Variants in WRN observed in about 807,000 individuals in gnomAD.
WRN encodes the protein bifunctional 3'-5' exonuclease/ATP-dependent helicase WRN.
In WRN, 149 loss-of-function variants were observed where a neutral mutation model predicts 180.7. The ratio of observed to expected loss-of-function variants is 0.82; its 90% confidence interval spans 0.72 to 0.94. The LOEUF is 0.94. Among genes scored for constraint, WRN ranks in the 40% least tolerant of loss-of-function variants. The pLI is 0.00. For synonymous variants in WRN, 548 were observed against 568.9 expected (o/e 0.96, Z 0.52); for missense variants, 1,661 against 1,700.1 (o/e 0.98, Z 0.40).
chr8:31,081,101 T>C lies in WRN; in HGVS notation c.1074T>C (p.Asp358=). Reference sequence around the variant, plus strand: ...CACTTGATCATTTAGCTAAACATGATGGAGAAGATGTACTTGGAAATAAAG... The same window carrying C: ...CACTTGATCATTTAGCTAAACATGACGGAGAAGATGTACTTGGAAATAAAG... The part of the protein sequence containing the change: ...DPTLDHLAKH[D]GEDVLGNKVE... The change falls in exon 9 of 35, where the codon GAT becomes GAC. Residue 358 remains aspartate, a synonymous_variant. Transcript: ENST00000298139. 6.2e-7 allele frequency: 1 copy of C among 1,614,020 alleles called. No individual in the cohort carries two copies. The highest frequency in any genetic ancestry group is 8.5e-7 in the Non-Finnish European group (1 of 1,179,970).
At chr8:31,049,316 GAGGCCAGGAGTTCA>G (rs912280795) in intron 1 of WRN, among the ~76,000 whole-genome samples, 1 of 149,860 alleles carries the variant, frequency 6.7e-6, no homozygotes, top group African/African-American at 2.4e-5. Flanking sequence ...AGGATTGCTT[GAGGCCAGGAGTTCA>G]AGACCAGCCT....
In WRN at chr8:31,117,016, C is replaced by T. The variant is rs533943496; in HGVS notation, c.2448+488C>T. On this transcript the variant is annotated intron_variant, in intron 20 of 34. Coordinates refer to ENST00000298139, the MANE Select transcript of WRN (RefSeq NM_000553.6). Reference sequence around the variant, plus strand: ...TATGGACAAAGAGGCAGGGTGGAACCGTTAGAGACTTGAGAGAACAGTTGA... The same window carrying T: ...TATGGACAAAGAGGCAGGGTGGAACTGTTAGAGACTTGAGAGAACAGTTGA... Among the ~76,000 whole-genome samples, 9 of 152,174 alleles carry T rather than the reference C, an allele frequency of 5.9e-5. No individual in the cohort carries two copies. In the East Asian group the frequency reaches 1.5e-3, roughly 26 times the overall value.
At position 31,103,638 on chromosome 8, in the gene WRN, C is replaced by T. The variant is rs375122914; in HGVS notation, c.2088+2683C>T. Among the ~76,000 whole-genome samples the T allele has an allele frequency of 5.6e-4, 86 of 152,240 alleles. 2 individuals are homozygous for T. The South Asian group carries it at 0.017, about 30-fold the overall frequency. On this transcript the variant is annotated intron_variant, in intron 18 of 34. Coordinates refer to ENST00000298139, the MANE Select transcript of WRN (RefSeq NM_000553.6). Reference sequence around the variant, plus strand: ...GTTGTACCACAGTTTAACTGATCACCTGTTGAAGAACTTTTGGGTTGTTTT... The same window carrying T: ...GTTGTACCACAGTTTAACTGATCACTTGTTGAAGAACTTTTGGGTTGTTTT...
intron 33 of WRN, among the ~76,000 whole-genome samples, chr8:31,160,177 T>C (rs1329264289): frequency 6.6e-6 from 1 of 152,198 alleles, no homozygotes; most frequent in African/African-American, 2.4e-5. Flanking sequence ...TCTATATCAC[T>C]TCCTAGCTTT....
intron 1 of WRN, among the ~76,000 whole-genome samples, chr8:31,053,174 G>A (rs6989940): frequency 0.075 from 11,436 of 152,228 alleles, 501 homozygotes; most frequent in African/African-American, 0.12. Context: ...GAAGTCCCCA[G>A]ACCAACTGGG....
At chr8:31,060,461 C>T (rs1812446508) in intron 3 of WRN, among the ~76,000 whole-genome samples, 1 of 152,018 alleles carries the variant, frequency 6.6e-6, no homozygotes, top group South Asian at 2.1e-4. Flanking sequence ...AGGTTTTGGG[C>T]CCGAGAGGTT....
At chr8:31,096,631 C>T (rs1813987508) in intron 16 of WRN, 137 bp from the exon 17 acceptor site, 1 of 711,554 alleles carries the variant, frequency 1.4e-6, no homozygotes, top group Non-Finnish European at 2.3e-6. Flanking sequence ...ATTTTCGTGA[C>T]ATAAAGTATT....
chr8:31,034,540 G>C (rs1294733418), intron 1 of WRN, among the ~76,000 whole-genome samples: 1 of 152,082 alleles, frequency 6.6e-6, no homozygotes, highest in Non-Finnish European at 1.5e-5. Flanking sequence ...TTTATGGTTC[G>C]GTACATTTCT....
chr8:31,047,885 G>A (rs935539416), intron 1 of WRN, among the ~76,000 whole-genome samples: 3 of 152,118 alleles, frequency 2.0e-5, no homozygotes, highest in African/African-American at 4.8e-5. Flanking sequence ...AAAGCACTTC[G>A]CTGTGCCATG....
intron 33 of WRN, among the ~76,000 whole-genome samples, chr8:31,159,483 A>G (rs919581149): frequency 1.3e-5 from 2 of 152,086 alleles, no homozygotes; most frequent in African/African-American, 4.8e-5. Context: ...CAATATACTA[A>G]TGTTACAAAC....
intron 3 of WRN, among the ~76,000 whole-genome samples, chr8:31,063,138 A>T (rs1281673625): frequency 6.6e-6 from 1 of 152,202 alleles, no homozygotes; most frequent in Non-Finnish European, 1.5e-5. Context: ...GGCTGCTCAC[A>T]TGTTTTTTAT....
In WRN at chr8:31,120,180, A is replaced by T. The variant is rs4987034; in HGVS notation, c.2449-63A>T. ...GAACAAATTATTCTTACAAAAAGGT[A>T]TAAATGTAAGGTTTTCATTCTGCTA... On this transcript the variant is annotated intron_variant, in intron 20 of 34. Coordinates refer to ENST00000298139, the MANE Select transcript of WRN (RefSeq NM_000553.6). 1.6e-5 allele frequency: 25 copies of T among 1,590,054 alleles called. No individual in the cohort carries two copies. In the East Asian group the frequency reaches 1.8e-4, roughly 11 times the overall value.
intron 30 of WRN, among the ~76,000 whole-genome samples, chr8:31,147,725 G>A (rs746745665): frequency 3.9e-5 from 6 of 151,990 alleles, no homozygotes; most frequent in Non-Finnish European, 7.4e-5. Context: ...TACCCACCCT[G>A]CATTTTATCC....
chr8:31,157,949 A>T (rs1319395981), intron 33 of WRN, among the ~76,000 whole-genome samples: 2 of 152,050 alleles, frequency 1.3e-5, no homozygotes, highest in African/African-American at 4.8e-5. Flanking sequence ...GCAGGTCTCG[A>T]ACTCCTGACC....
At chr8:31,171,889 G>A (rs563081405) in intron 34 of WRN, among the ~76,000 whole-genome samples, 1 of 152,080 alleles carries the variant, frequency 6.6e-6, no homozygotes, top group African/African-American at 2.4e-5. Context: ...TAGGCTAACA[G>A]ACACCTTGTA....
At chr8:31,095,094 C>T (rs576389252) in intron 16 of WRN, among the ~76,000 whole-genome samples, 10 of 152,288 alleles carry the variant, frequency 6.6e-5, no homozygotes, top group African/African-American at 2.2e-4. Flanking sequence ...CAGTTCCTCC[C>T]CATCCTTGCT....
At chr8:31,056,977 C>T (rs762619217) in intron 1 of WRN, among the ~76,000 whole-genome samples, 1 of 151,822 alleles carries the variant, frequency 6.6e-6, no homozygotes, top group African/African-American at 2.4e-5. Context: ...CTCTCTCCCC[C>T]AGTGGTGAAA....
intron 16 of WRN, among the ~76,000 whole-genome samples, chr8:31,093,439 T>C (rs907756349): frequency 4.6e-5 from 7 of 152,190 alleles, no homozygotes; most frequent in Non-Finnish European, 7.3e-5. Flanking sequence ...ATCTGATTAT[T>C]ATTTTATTGT....
chr8:31,164,708 C>T (rs2069459553), intron 33 of WRN, among the ~76,000 whole-genome samples: 2 of 152,026 alleles, frequency 1.3e-5, no homozygotes, highest in African/African-American at 2.4e-5. Context: ...TAATTTTATT[C>T]CCCCATTCTT....
Sources: gnomAD v4.1 joint callset for allele counts (sites outside exome capture counted in the v4.1 genomes callset) on GRCh38, gnomAD v4.1.1 for gene constraint, MANE v1.5 for transcripts, NCBI Gene and HGNC (gene_info 2026-07-23, HGNC 2026-07-21) for gene names.